The following ACSS2 variants were observed in gnomAD, a reference collection of about 807,000 sequenced individuals.
ACSS2 encodes acyl-CoA synthetase short chain family member 2.
Under a neutral mutation model 90.6 loss-of-function variants are expected in ACSS2, and 58 were observed. The observed-to-expected ratio is 0.64, with a 90% confidence interval of 0.52 to 0.80. The LOEUF (loss-of-function observed/expected upper bound fraction) is 0.80, where lower values mean the gene tolerates loss of function less well. ACSS2 is among the 30% of genes least tolerant of loss of function. The pLI is 0.00. For missense variants in ACSS2, 759 were observed against 912.0 expected (o/e 0.83, Z 2.16); for synonymous variants, 300 against 330.9 (o/e 0.91, Z 1.01).
chr20:34,876,712 G>C lies in ACSS2; in HGVS notation c.67G>C (p.Gly23Arg). 1 of 1,443,724 alleles carries C rather than the reference G, an allele frequency of 6.9e-7. No homozygotes were observed. The highest frequency in any genetic ancestry group is 1.4e-5 in the South Asian group (1 of 72,128). 89.4% of individuals were successfully genotyped at this position (1,443,724 alleles called of 1,614,324 possible). A position where few individuals can be genotyped will look rare whatever the true frequency, so the allele number is the denominator to read the frequency against. The stretch of plus-strand genomic sequence containing the variant: ...CCGGGGCCAGGAGGAAGCTGGAGCC[G>C]GAGGCCGGGCGCGGAGTTGGTCTCC... Reference protein sequence around the residue: ...GSRGQEEAGAGGRARSWSPPP... With the variant: ...GSRGQEEAGARGRARSWSPPP... Residue 23 changes from glycine to arginine, a missense_variant, in exon 1 of 18, where the codon GGA (glycine) becomes CGA (arginine). By Grantham distance (125) the Gly-to-Arg change is moderately radical. Coordinates refer to ENST00000360596, the MANE Select transcript of ACSS2 (RefSeq NM_018677.4).
intron 1 of ACSS2, among the ~76,000 whole-genome samples, chr20:34,878,861 G>C (rs2146957217): frequency 7.0e-6 from 1 of 143,388 alleles, no homozygotes; most frequent in African/African-American, 2.5e-5. Flanking sequence ...ATGGTTCCCT[G>C]TTTCTGGCAG....
chr20:34,922,222 C>T (rs2081219199), intron 13 of ACSS2: 1 of 191,920 alleles, frequency 5.2e-6, no homozygotes, highest in Non-Finnish European at 1.1e-5. Flanking sequence ...TGCCTGGGTT[C>T]GAATCCTAGC....
rs775356311 is a variant in ACSS2 at position 34,921,367 on chromosome 20, G to T, written c.1315G>T (p.Gly439Cys). ...ATCCTTGCAGGTGTTAGGCACAGTG[G>T]GTGAACCCATCAACCCTGAGGCCTG... ...RASLQVLGTV[G>C]EPINPEAWLW... The change falls in exon 11 of 18, where the codon GGT becomes TGT. Residue 439 changes from glycine (G) to cysteine (C), a missense_variant. Coordinates refer to ENST00000360596, the MANE Select transcript of ACSS2 (RefSeq NM_018677.4). The T allele has an allele frequency of 6.2e-7, 1 of 1,614,210 alleles. No homozygotes were observed. The highest frequency in any genetic ancestry group is 1.1e-5 in the South Asian group (1 of 91,086).
intron 9 of ACSS2, 64 bp downstream of exon 9, chr20:34,920,773 C>T: frequency 6.4e-7 from 1 of 1,553,300 alleles, no homozygotes; most frequent in East Asian, 2.3e-5. Flanking sequence ...GACTACCTCC[C>T]AAGGCTGCTT....
intron 2 of ACSS2, among the ~76,000 whole-genome samples, chr20:34,888,612 G>A (rs2080255748): frequency 1.3e-5 from 2 of 152,174 alleles, no homozygotes; most frequent in African/African-American, 4.8e-5. Context: ...AATAAACATA[G>A]AAACCAGTAA....
At chr20:34,919,313 C>G in intron 7 of ACSS2, 122 bp from the exon 8 acceptor site, 1 of 1,425,176 alleles carries the variant, frequency 7.0e-7, no homozygotes, top group Non-Finnish European at 9.6e-7. Context: ...CCTTGAAGGG[C>G]CTTCTCTCCC....
chr20:34,884,378 G>A (rs2080138832), intron 2 of ACSS2, among the ~76,000 whole-genome samples: 1 of 152,198 alleles, frequency 6.6e-6, no homozygotes, highest in African/African-American at 2.4e-5. Context: ...CTTAACCTGA[G>A]AGACAAGAAA....
Position 34,927,532 on chromosome 20 carries a change from AG to A in ACSS2, c.*321del. On this transcript the variant is annotated 3_prime_UTR_variant, in exon 18 of 18. Coordinates refer to ENST00000360596, the MANE Select transcript of ACSS2 (RefSeq NM_018677.4). The surrounding 1 kb of genome is among the most constrained non-coding windows in gnomAD (Gnocchi z 4.2). ...GGGATGTGAGGGCCTCCACTGAAGC[AG>A]GGAGGCAGCTGTGTAATCCTATGTC... 1 of 361,724 alleles carries A rather than the reference AG, an allele frequency of 2.8e-6. No individual in the cohort carries two copies. The highest frequency in any genetic ancestry group is 5.2e-6 in the Non-Finnish European group (1 of 193,904). 22.4% of individuals were successfully genotyped at this position (361,724 alleles called of 1,614,324 possible).
At chr20:34,897,646 T>C (rs755293267) in intron 2 of ACSS2, among the ~76,000 whole-genome samples, 8 of 152,114 alleles carry the variant, frequency 5.3e-5, no homozygotes, top group Non-Finnish European at 1.2e-4. Flanking sequence ...CTGGCCAACA[T>C]GGTGAAACCC....
chr20:34,908,725 G>C, intron 2 of ACSS2: 1 of 296,148 alleles, frequency 3.4e-6, no homozygotes, highest in Non-Finnish European at 6.6e-6. Flanking sequence ...GCCAGGTGTG[G>C]TGGTGCACGC....
intron 1 of ACSS2, among the ~76,000 whole-genome samples, chr20:34,879,107 T>C (rs533966010): frequency 2.4e-4 from 37 of 152,048 alleles, no homozygotes; most frequent in African/African-American, 8.2e-4. Flanking sequence ...GCTTTCACCG[T>C]GTTAGCCAGG....
intron 3 of ACSS2, 69 bp downstream of exon 3, chr20:34,913,256 G>C: frequency 6.4e-7 from 1 of 1,573,460 alleles, no homozygotes. Flanking sequence ...GAGACTTATG[G>C]GGAGAGGGCA....
At position 34,914,545 on chromosome 20, in the gene ACSS2, C is replaced by T; in HGVS notation, c.834+108C>T. Reference sequence around the variant, plus strand: ...GCCTGCTCATCAGTATACTGAGGATCCAGGAGCAATTCTAGGAATGCCTCC... The same window carrying T: ...GCCTGCTCATCAGTATACTGAGGATTCAGGAGCAATTCTAGGAATGCCTCC... On this transcript the variant is annotated intron_variant, in intron 7 of 17. Coordinates refer to ENST00000360596, the MANE Select transcript of ACSS2 (RefSeq NM_018677.4). 4.0e-6 allele frequency: 4 copies of T among 989,232 alleles called. No homozygotes were observed. The South Asian group carries it at 7.0e-5, about 17-fold the overall frequency. 61.3% of individuals were successfully genotyped at this position (989,232 alleles called of 1,614,324 possible).
intron 6 of ACSS2, 64 bp downstream of exon 6, chr20:34,914,235 C>G (rs956579544): frequency 1.2e-6 from 2 of 1,606,358 alleles, no homozygotes; most frequent in African/African-American, 1.3e-5. Context: ...TTCCCTTTGT[C>G]CCCTCTACCC....
At position 34,920,542 on chromosome 20, in the gene ACSS2, G is replaced by A; in HGVS notation, c.976G>A (p.Val326Met). 1 of 1,613,706 alleles carries A rather than the reference G, an allele frequency of 6.2e-7. No individual in the cohort carries two copies. The highest frequency in any genetic ancestry group is 8.5e-7 in the Non-Finnish European group (1 of 1,179,926). The change falls in exon 9 of 18, where the codon GTG becomes ATG. Residue 326 changes from valine (V) to methionine (M), a missense_variant. Transcript: ENST00000360596. ...CTGTTCCCCATTCTTCCCACAGGGT[G>A]TGGTTCACACAGTTGGGGGCTACAT... ...TSGSTGKPKG[V>M]VHTVGGYMLY...
chr20:34,894,786 C>G (rs1201075329), intron 2 of ACSS2, among the ~76,000 whole-genome samples: 1 of 152,154 alleles, frequency 6.6e-6, no homozygotes, highest in East Asian at 1.9e-4. Flanking sequence ...GCTGTACTTG[C>G]TAAGACCACA....
chr20:34,921,412 G>A lies in ACSS2; in HGVS notation c.1360G>A (p.Val454Ile). ...GGCCTGGCTATGGTACCACCGGGTG[G>A]TAGGTGCCCAGCGCTGCCCCATCGT... Reference protein sequence around the residue: ...PEAWLWYHRVVGAQRCPIVDT... With the variant: ...PEAWLWYHRVIGAQRCPIVDT... The change falls in exon 11 of 18, where the codon GTA becomes ATA. Residue 454 changes from valine to isoleucine, a missense_variant. Physicochemically the swap from Val to Ile is conservative, Grantham distance 29 (BLOSUM62 3). Transcript: ENST00000360596. 6.2e-7 allele frequency: 1 copy of A among 1,614,206 alleles called. No individual in the cohort carries two copies.
chr20:34,907,585 G>A (rs1305944081), intron 2 of ACSS2, among the ~76,000 whole-genome samples: 1 of 152,228 alleles, frequency 6.6e-6, no homozygotes, highest in Non-Finnish European at 1.5e-5. Flanking sequence ...TGCCTAGAAT[G>A]TTTGTATATT....
chr20:34,894,148 T>G lies in ACSS2; in HGVS notation c.374+11159T>G, dbSNP rs189727935. On this transcript the variant is annotated intron_variant, in intron 2 of 17. Coordinates refer to ENST00000360596, the MANE Select transcript of ACSS2 (RefSeq NM_018677.4). ...TGTTGAACTTTAGTTTCTGAGCTGC[T>G]TTTGAGGATGGTTACTTGAGGTGTC... 9.5e-4 allele frequency among the ~76,000 whole-genome samples: 144 copies of G among 152,290 alleles called. 2 individuals carry two copies. Among genetic ancestry groups the G allele is most frequent in the Middle Eastern group, 6.8e-3 (2 of 294 alleles).
Sources: allele counts gnomAD v4.1 joint callset (sites outside exome capture counted in the v4.1 genomes callset), GRCh38; gene constraint gnomAD v4.1.1; non-coding constraint Gnocchi (gnomAD v3.1); transcripts MANE v1.5; gene names NCBI Gene and HGNC (gene_info 2026-07-23, HGNC 2026-07-21).